Variants in SH3D19 observed in about 807,000 individuals in gnomAD.
SH3D19 encodes SH3 domain-containing protein 19.
SH3D19 carries 58 observed loss-of-function variants against 112.1 expected under a neutral mutation model. The ratio of observed to expected loss-of-function variants is 0.52; its 90% CI spans 0.42 to 0.64. The LOEUF is 0.64. SH3D19 is among the 30% of genes least tolerant of loss of function. The pLI is 0.00. For missense variants in SH3D19, 1,090 were observed against 1,263.4 expected (o/e 0.86, Z 2.08); for synonymous variants, 391 against 448.5 (o/e 0.87, Z 1.62).
intron 1 of SH3D19, among the ~76,000 whole-genome samples, chr4:151,297,373 A>T (rs1021578470): frequency 2.6e-5 from 4 of 152,198 alleles, no homozygotes; most frequent in African/African-American, 9.7e-5. Flanking sequence ...CATTCTTATG[A>T]CACTTAGCCC....
chr4:151,189,505 C>T (rs1056451701), intron 2 of SH3D19, among the ~76,000 whole-genome samples: 3 of 152,064 alleles, frequency 2.0e-5, no homozygotes, highest in South Asian at 2.1e-4. Flanking sequence ...AATTCCGTGT[C>T]GTGGGATGAA....
intron 1 of SH3D19, among the ~76,000 whole-genome samples, chr4:151,254,685 G>A (rs1203985008): frequency 6.6e-6 from 1 of 150,716 alleles, no homozygotes; most frequent in Non-Finnish European, 1.5e-5. Context: ...AGTTTTCTTA[G>A]TACAGAACAA....
intron 9 of SH3D19, among the ~76,000 whole-genome samples, chr4:151,157,146 G>A (rs1756266604): frequency 6.6e-6 from 1 of 152,074 alleles, no homozygotes; most frequent in African/African-American, 2.4e-5. Flanking sequence ...CAGCTACTCA[G>A]GAGGCTGAGG....
At chr4:151,225,208 A>T (rs944612910) in intron 2 of SH3D19, among the ~76,000 whole-genome samples, 4 of 152,242 alleles carry the variant, frequency 2.6e-5, no homozygotes, top group African/African-American at 9.6e-5. Flanking sequence ...AGAGCAGTCA[A>T]TCCAATGAGT....
intron 1 of SH3D19, among the ~76,000 whole-genome samples, chr4:151,312,427 A>T (rs1380751526): frequency 2.6e-5 from 4 of 152,206 alleles, no homozygotes; most frequent in Admixed American, 6.5e-5. Flanking sequence ...GGAAGTAATG[A>T]ATCTGGAAAT....
chr4:151,234,111 A>T (rs1177210100), intron 1 of SH3D19, among the ~76,000 whole-genome samples: 3 of 152,196 alleles, frequency 2.0e-5, no homozygotes, highest in East Asian at 3.8e-4. Flanking sequence ...CTCCTAAAAC[A>T]ATTCACATTT....
intron 7 of SH3D19, among the ~76,000 whole-genome samples, chr4:151,168,387 C>T (rs905234908): frequency 2.1e-5 from 3 of 142,206 alleles, no homozygotes; most frequent in South Asian, 2.2e-4. Context: ...TCTTATCTTT[C>T]GAGTAGCATT....
At chr4:151,293,657 T>C (rs572424107) in intron 1 of SH3D19, among the ~76,000 whole-genome samples, 1 of 152,278 alleles carries the variant, frequency 6.6e-6, no homozygotes, top group African/African-American at 2.4e-5. Context: ...TTCAGATTAG[T>C]GTTTTAAAAA....
intron 2 of SH3D19, among the ~76,000 whole-genome samples, chr4:151,224,616 C>A (rs902700926): frequency 1.3e-5 from 2 of 152,184 alleles, no homozygotes; most frequent in Non-Finnish European, 2.9e-5. Context: ...TCTTGGGGAT[C>A]CTGGTTTTAC....
At chr4:151,147,543 C>T (rs1465925721) in intron 11 of SH3D19, among the ~76,000 whole-genome samples, 1 of 152,174 alleles carries the variant, frequency 6.6e-6, no homozygotes, top group Non-Finnish European at 1.5e-5. Flanking sequence ...CTCACTGCAA[C>T]CTCTGCCTCC....
At chr4:151,234,343 T>C (rs1319392921) in intron 1 of SH3D19, among the ~76,000 whole-genome samples, 1 of 152,192 alleles carries the variant, frequency 6.6e-6, no homozygotes, top group Non-Finnish European at 1.5e-5. Context: ...ATGTTAGTTG[T>C]TTCAGAGATG....
intron 1 of SH3D19, among the ~76,000 whole-genome samples, chr4:151,251,191 TTTTTTCC>T (rs1333593193): frequency 5.9e-4 from 88 of 150,362 alleles, no homozygotes; most frequent in African/African-American, 2.1e-3. Context: ...TTCTTTTTCT[TTTTTTCC>T]TTTTTTTTTT....
At position 151,325,304 on chromosome 4, in the gene SH3D19, G is replaced by A. The variant is rs920259494; in HGVS notation, c.49C>T (p.Arg17Cys). ...REDEEEELRE[R>C]RELGGQRRAR... ...CGGCGCTGGCCACCAAGTTCGCGGC[G>A]CTCGCGTAGCTCTTCCTCCTCGTCC... Residue 17 changes from arginine to cysteine, a missense_variant, in exon 1 of 20, where the codon CGC becomes TGC. Transcript: ENST00000604030. The A allele has an allele frequency of 1.5e-5, 18 of 1,219,592 alleles. No individual in the cohort carries two copies. Among genetic ancestry groups the A allele is most frequent in the Non-Finnish European group, 1.8e-5 (18 of 980,190 alleles). The allele number at this position is 1,219,592 out of a possible 1,614,324, so 75.5% of individuals were successfully genotyped here. A position where few individuals can be genotyped will look rare whatever the true frequency, so the allele number is the denominator to read the frequency against.
chr4:151,157,802 T>A (rs1756403372), intron 9 of SH3D19, among the ~76,000 whole-genome samples: 1 of 152,198 alleles, frequency 6.6e-6, no homozygotes, highest in Non-Finnish European at 1.5e-5. Context: ...TAAATGGAAC[T>A]GGAGGATATT....
At chr4:151,126,571 G>A (rs938922761) in intron 19 of SH3D19, among the ~76,000 whole-genome samples, 1 of 151,810 alleles carries the variant, frequency 6.6e-6, no homozygotes, top group South Asian at 2.1e-4. Context: ...TGAGGTGGGC[G>A]GATCACCAGG....
intron 1 of SH3D19, among the ~76,000 whole-genome samples, chr4:151,247,854 T>C (rs1016804243): frequency 6.6e-6 from 1 of 152,242 alleles, no homozygotes; most frequent in Non-Finnish European, 1.5e-5. Flanking sequence ...TCTGCACAAA[T>C]AGTATAATTT....
intron 1 of SH3D19, among the ~76,000 whole-genome samples, chr4:151,268,995 A>G (rs930893007): frequency 1.5e-4 from 23 of 152,208 alleles, no homozygotes; most frequent in African/African-American, 5.3e-4. Context: ...TTCTAGTTCT[A>G]GATCCCTGAG....
chr4:151,308,790 C>T (rs1209070799), intron 1 of SH3D19, among the ~76,000 whole-genome samples: 1 of 152,212 alleles, frequency 6.6e-6, no homozygotes, highest in African/African-American at 2.4e-5. Flanking sequence ...AAATGTTCTC[C>T]AGAGTAGCTA....
chr4:151,127,113 G>A (rs1050888774), intron 19 of SH3D19, among the ~76,000 whole-genome samples: 30 of 152,048 alleles, frequency 2.0e-4, no homozygotes, highest in African/African-American at 6.3e-4. Context: ...GGGTTTCACC[G>A]TGTTAGCCAG....
Sources: gnomAD v4.1 joint callset for allele counts (sites outside exome capture counted in the v4.1 genomes callset) on GRCh38, gnomAD v4.1.1 for gene constraint, MANE v1.5 for transcripts, NCBI Gene and HGNC (gene_info 2026-07-23, HGNC 2026-07-21) for gene names.